Variants in WDR70 observed in about 807,000 individuals in gnomAD.
The protein encoded by WDR70 is WD repeat domain 70.
A neutral mutation model predicts 88.6 loss-of-function variants in WDR70; 53 were observed. The ratio of observed to expected loss-of-function variants is 0.60; its 90% CI spans 0.48 to 0.75. The LOEUF (loss-of-function observed/expected upper bound fraction) is 0.75, where lower values mean the gene tolerates loss of function less well. Ranked by LOEUF, WDR70 falls within the 30% of genes least tolerant of loss-of-function variation. The probability of loss-of-function intolerance (pLI) is 0.00; values close to 1 mark genes in which losing one functional copy is unlikely to be tolerated. For synonymous variants in WDR70, 280 were observed against 270.0 expected, an observed-to-expected ratio of 1.04 and a Z score of -0.36; for missense variants, 610 against 823.2, an observed-to-expected ratio of 0.74 and a Z score of 3.17.
chr5:37,472,838 TAATGA>T (rs1739367718), intron 7 of WDR70, among the ~76,000 whole-genome samples: 1 of 152,072 alleles, frequency 6.6e-6, no homozygotes, highest in South Asian at 2.1e-4. Flanking sequence ...CTTTTGGACG[TAATGA>T]ATAAAGCTGC....
At chr5:37,412,627 C>T (rs567515228) in intron 5 of WDR70, among the ~76,000 whole-genome samples, 1 of 152,236 alleles carries the variant, frequency 6.6e-6, no homozygotes, top group African/African-American at 2.4e-5. Flanking sequence ...TAGTTGTGAG[C>T]ACCTGTTCTC....
chr5:37,630,368 A>C (rs1022029129), intron 10 of WDR70, among the ~76,000 whole-genome samples: 1 of 152,178 alleles, frequency 6.6e-6, no homozygotes, highest in African/African-American at 2.4e-5. Context: ...GGGGTGGCCT[A>C]CAGCATTGTT....
intron 8 of WDR70, among the ~76,000 whole-genome samples, chr5:37,511,990 T>C (rs548424286): frequency 1.3e-5 from 2 of 152,320 alleles, no homozygotes; most frequent in South Asian, 4.1e-4. Context: ...TACTACAAAC[T>C]TGGTGGCTGA....
At chr5:37,566,374 A>C (rs934658575) in intron 9 of WDR70, among the ~76,000 whole-genome samples, 1 of 152,162 alleles carries the variant, frequency 6.6e-6, no homozygotes, top group African/African-American at 2.4e-5. Flanking sequence ...AGTATTATTT[A>C]GTAAGAGCTT....
chr5:37,686,319 A>AG (rs977833868), intron 10 of WDR70, among the ~76,000 whole-genome samples: 7 of 151,968 alleles, frequency 4.6e-5, no homozygotes, highest in African/African-American at 1.4e-4. Flanking sequence ...TGTCTCACAA[A>AG]GGGAAAAAAA....
chr5:37,701,030 CTT>C lies in WDR70; in HGVS notation c.1193-21_1193-20del, dbSNP rs750429562. ...CTTTTTGCACAATTCACTTTTCTGT[CTT>C]TTTTTTCCCCTCATTCCTCTGTCAG... On this transcript the variant is annotated intron_variant, in intron 11 of 17. Transcript: ENST00000265107. 3.4e-6 allele frequency: 5 copies of C among 1,457,682 alleles called. No individual in the cohort carries two copies. In the African/African-American group the frequency reaches 5.6e-5, roughly 16 times the overall value. 90.3% of individuals were successfully genotyped at this position (1,457,682 alleles called of 1,614,324 possible).
chr5:37,612,865 G>A (rs1311868721), intron 10 of WDR70, among the ~76,000 whole-genome samples: 8 of 152,260 alleles, frequency 5.3e-5, no homozygotes, highest in Admixed American at 3.9e-4. Flanking sequence ...AACAGAACAC[G>A]TGACATATGA....
At chr5:37,389,010 A>ATGC (rs1040763079) in intron 3 of WDR70, among the ~76,000 whole-genome samples, 20 of 152,118 alleles carry the variant, frequency 1.3e-4, no homozygotes, top group Non-Finnish European at 2.9e-4. Flanking sequence ...TAGAGTACAA[A>ATGC]TGCTGCTGCT....
chr5:37,699,331 TACACAC>T lies in WDR70; in HGVS notation c.1192+1601_1192+1606del, dbSNP rs67566263. 2.0e-3 allele frequency among the ~76,000 whole-genome samples: 284 copies of T among 141,366 alleles called. No individual in the cohort carries two copies. The Middle Eastern group carries it at 0.025, about 13-fold the overall frequency. 92.7% of individuals were successfully genotyped at this position (141,366 alleles called of 152,430 possible). On this transcript the variant is annotated intron_variant, in intron 11 of 17. Transcript: ENST00000265107. ...ATAATTCTTACTTTCCTTTCCATCA[TACACAC>T]ACACACACACACACACACACACAGT...
chr5:37,547,566 T>C (rs1250139404), intron 9 of WDR70, among the ~76,000 whole-genome samples: 2 of 152,206 alleles, frequency 1.3e-5, no homozygotes, highest in Non-Finnish European at 2.9e-5. Flanking sequence ...GATACAGATA[T>C]ACAATCTGTA....
intron 6 of WDR70, 33 bp from the exon 7 acceptor site, chr5:37,443,206 T>C (rs753042642): frequency 6.4e-7 from 1 of 1,558,886 alleles, no homozygotes; most frequent in Admixed American, 1.9e-5. Flanking sequence ...GTCATTTTGC[T>C]CCGGTCATTT....
At chr5:37,687,951 C>G (rs1018163214) in intron 10 of WDR70, 22 of 693,420 alleles carry the variant, frequency 3.2e-5, no homozygotes, top group Non-Finnish European at 4.8e-5. Flanking sequence ...TCTGCATGCT[C>G]TGGGCTCACA....
chr5:37,662,446 G>A (rs1203452307), intron 10 of WDR70, among the ~76,000 whole-genome samples: 2 of 152,056 alleles, frequency 1.3e-5, no homozygotes, highest in Non-Finnish European at 2.9e-5. Context: ...AGGGGAAAAC[G>A]ACCTGACCTA....
At chr5:37,647,807 T>C (rs977416172) in intron 10 of WDR70, among the ~76,000 whole-genome samples, 20 of 152,214 alleles carry the variant, frequency 1.3e-4, no homozygotes, top group African/African-American at 4.1e-4. Flanking sequence ...CACAAGATGC[T>C]TGTGGCCACC....
intron 10 of WDR70, among the ~76,000 whole-genome samples, chr5:37,678,601 G>A (rs1483364599): frequency 2.4e-4 from 36 of 152,058 alleles, no homozygotes; most frequent in African/African-American, 7.2e-4. Flanking sequence ...CGAGAGATCC[G>A]CTGTTAGTCT....
intron 9 of WDR70, among the ~76,000 whole-genome samples, chr5:37,547,286 A>G (rs951794560): frequency 1.3e-5 from 2 of 152,166 alleles, no homozygotes; most frequent in African/African-American, 4.8e-5. Context: ...CATATTGTGG[A>G]CTTTGCAGTT....
At chr5:37,395,569 G>T (rs1376546168) in intron 4 of WDR70, among the ~76,000 whole-genome samples, 7 of 152,118 alleles carry the variant, frequency 4.6e-5, no homozygotes, top group Admixed American at 4.6e-4. Context: ...AGGAAACTTG[G>T]ATTAGCCGTT....
At chr5:37,722,708 T>A (rs1383739478) in intron 14 of WDR70, 147 bp from the exon 15 acceptor site, 2 of 671,670 alleles carry the variant, frequency 3.0e-6, no homozygotes, top group Non-Finnish European at 5.2e-6. Context: ...TGAGAGCCCA[T>A]CTGTTGCCAT....
chr5:37,513,956 C>G (rs1176524917), intron 8 of WDR70, among the ~76,000 whole-genome samples: 1 of 152,006 alleles, frequency 6.6e-6, no homozygotes, highest in African/African-American at 2.4e-5. Context: ...AACCATCACA[C>G]TGTATAAGAG....
Sources: gnomAD v4.1 joint callset for allele counts (sites outside exome capture counted in the v4.1 genomes callset) on GRCh38, gnomAD v4.1.1 for gene constraint, MANE v1.5 for transcripts, NCBI Gene and HGNC (gene_info 2026-07-23, HGNC 2026-07-21) for gene names.